The following NLGN1 variants were observed in gnomAD, a reference collection of about 807,000 sequenced individuals.
The protein encoded by NLGN1 is neuroligin-1.
In NLGN1, 12 loss-of-function variants were observed where a neutral mutation model predicts 65.5. The observed-to-expected ratio is 0.18, with a 90% confidence interval of 0.12 to 0.30. The LOEUF is 0.30. Ranked by LOEUF, NLGN1 falls within the 10% of genes least tolerant of loss-of-function variation. The pLI is 1.00. For synonymous variants in NLGN1, 350 were observed against 359.5 expected, an observed-to-expected ratio of 0.97 and a Z score of 0.30; for missense variants, 750 against 1,007.1, an observed-to-expected ratio of 0.74 and a Z score of 3.46.
chr3:173,893,084 A>G (rs764967882), intron 4 of NLGN1, among the ~76,000 whole-genome samples: 3 of 152,192 alleles, frequency 2.0e-5, no homozygotes, highest in Non-Finnish European at 4.4e-5. Flanking sequence ...TTTGTGAGAA[A>G]TCAGGCGCAG....
chr3:173,435,391 T>G (rs1303840100), intron 2 of NLGN1, among the ~76,000 whole-genome samples: 1 of 152,234 alleles, frequency 6.6e-6, no homozygotes, highest in Non-Finnish European at 1.5e-5. Flanking sequence ...TTTCAGCTAT[T>G]ATTTTCACTT....
intron 4 of NLGN1, among the ~76,000 whole-genome samples, chr3:174,026,205 C>T (rs1276623189): frequency 6.6e-6 from 1 of 152,138 alleles, no homozygotes; most frequent in African/African-American, 2.4e-5. Context: ...CTGCTCACTG[C>T]AGCCTTGACC....
chr3:173,445,289 A>AAAAC (rs1560262508), intron 2 of NLGN1, among the ~76,000 whole-genome samples: 8 of 148,958 alleles, frequency 5.4e-5, no homozygotes, highest in African/African-American at 2.0e-4. Context: ...AAAAAAAAAA[A>AAAAC]AAAAAACAAG....
intron 4 of NLGN1, among the ~76,000 whole-genome samples, chr3:174,081,435 G>T (rs1359060403): frequency 6.6e-6 from 1 of 151,984 alleles, no homozygotes; most frequent in Non-Finnish European, 1.5e-5. Flanking sequence ...TACATATAAG[G>T]TGTCTTCTCA....
intron 4 of NLGN1, among the ~76,000 whole-genome samples, chr3:173,862,988 A>G (rs1283439083): frequency 6.6e-6 from 1 of 152,170 alleles, no homozygotes; most frequent in Non-Finnish European, 1.5e-5. Context: ...AAATCACCTT[A>G]ATATAATAGG....
intron 3 of NLGN1, among the ~76,000 whole-genome samples, chr3:173,670,880 A>G (rs1762355862): frequency 1.3e-5 from 2 of 152,232 alleles, no homozygotes; most frequent in South Asian, 4.1e-4. Context: ...TATACTATAA[A>G]TCCAGATATA....
intron 4 of NLGN1, among the ~76,000 whole-genome samples, chr3:174,093,060 C>CTCAA (rs768444519): frequency 1.5e-4 from 23 of 152,150 alleles, no homozygotes; most frequent in Non-Finnish European, 2.9e-4. Flanking sequence ...AAATCAAACT[C>CTCAA]TCGGGTCACT....
At chr3:173,540,689 T>G (rs970311350) in intron 2 of NLGN1, among the ~76,000 whole-genome samples, 2 of 152,162 alleles carry the variant, frequency 1.3e-5, no homozygotes, top group African/African-American at 4.8e-5. Context: ...ACAGAGCTAA[T>G]GACTGACTGC....
chr3:173,566,789 C>A (rs1404047074), intron 2 of NLGN1, among the ~76,000 whole-genome samples: 1 of 152,146 alleles, frequency 6.6e-6, no homozygotes, highest in Non-Finnish European at 1.5e-5. Context: ...TTGGACACTT[C>A]TTTATCTCTA....
intron 3 of NLGN1, among the ~76,000 whole-genome samples, chr3:173,662,627 G>A (rs548175763): frequency 9.2e-5 from 14 of 151,946 alleles, no homozygotes; most frequent in African/African-American, 2.9e-4. Flanking sequence ...AAGGATTCCA[G>A]ATGTTTTCAT....
intron 4 of NLGN1, among the ~76,000 whole-genome samples, chr3:174,103,680 A>C (rs927910927): frequency 2.6e-5 from 4 of 152,090 alleles, no homozygotes; most frequent in African/African-American, 9.7e-5. Context: ...GGTATGATAA[A>C]CTGTTGTACA....
At chr3:173,435,136 A>G (rs1040909666) in intron 2 of NLGN1, 10 of 152,644 alleles carry the variant, frequency 6.6e-5, no homozygotes, top group African/African-American at 2.2e-4. Context: ...AAGTAGTAAC[A>G]AAAGCTCCCA....
At chr3:173,609,596 C>G (rs1436081739) in intron 3 of NLGN1, among the ~76,000 whole-genome samples, 2 of 151,880 alleles carry the variant, frequency 1.3e-5, no homozygotes, top group African/African-American at 4.8e-5. Context: ...GAATGTTCTT[C>G]CTTTTTGCTT....
chr3:173,730,494 T>C (rs1377097983), intron 3 of NLGN1, among the ~76,000 whole-genome samples: 4 of 152,040 alleles, frequency 2.6e-5, no homozygotes, highest in African/African-American at 9.7e-5. Flanking sequence ...AAAATGAGAT[T>C]TTTACACCTT....
At chr3:173,598,579 G>A (rs749528274) in intron 2 of NLGN1, among the ~76,000 whole-genome samples, 44 of 152,028 alleles carry the variant, frequency 2.9e-4, no homozygotes, top group Non-Finnish European at 5.0e-4. Flanking sequence ...AATAAAATCC[G>A]AACTCTTTAG....
In NLGN1 at chr3:173,638,566, C is replaced by G. The variant is rs531522996; in HGVS notation, c.493+33475C>G. On this transcript the variant is annotated intron_variant, in intron 3 of 6. Coordinates refer to ENST00000457714, the Ensembl canonical transcript of NLGN1. ...TGTGAGGTCAGGTTGCTCAATTTCT[C>G]TGGTATGTTTATTTGTCTTTTGTAA... Among the ~76,000 whole-genome samples the G allele has an allele frequency of 5.9e-5, 9 of 152,110 alleles. No individual in the cohort carries two copies. In the South Asian group the frequency reaches 1.9e-3, roughly 32 times the overall value.
At chr3:174,129,344 C>T (rs1319542090) in intron 4 of NLGN1, among the ~76,000 whole-genome samples, 1 of 142,014 alleles carries the variant, frequency 7.0e-6, no homozygotes, top group Non-Finnish European at 1.5e-5. Flanking sequence ...TCCCCCCACC[C>T]CCGGTTTACA....
At chr3:174,257,114 T>C (rs763508014) in intron 4 of NLGN1, among the ~76,000 whole-genome samples, 4 of 152,160 alleles carry the variant, frequency 2.6e-5, no homozygotes, top group Non-Finnish European at 5.9e-5. Context: ...CAGGCACTTC[T>C]CAAAAGAAGA....
intron 4 of NLGN1, among the ~76,000 whole-genome samples, chr3:174,047,363 G>A (rs1041292985): frequency 4.6e-5 from 7 of 151,912 alleles, no homozygotes; most frequent in Non-Finnish European, 7.4e-5. Context: ...TTCAATTTTA[G>A]CCAAGGTCCA....
Sources: gnomAD v4.1 joint callset for allele counts (sites outside exome capture counted in the v4.1 genomes callset) on GRCh38, gnomAD v4.1.1 for gene constraint, MANE v1.5 for transcripts, NCBI Gene and HGNC (gene_info 2026-07-23, HGNC 2026-07-21) for gene names.